The following SMAD2 variants were observed in gnomAD, a reference collection of about 807,000 sequenced individuals.
SMAD2 encodes SMAD family member 2, also known as MAD homolog 2.
A neutral mutation model predicts 64.4 loss-of-function variants in SMAD2; 8 were observed. That is an observed-to-expected ratio of 0.12 (90% CI 0.07 to 0.22). The LOEUF is 0.22. SMAD2 is among the 10% of genes least tolerant of loss of function. The probability of loss-of-function intolerance (pLI) is 1.00; values close to 1 mark genes in which losing one functional copy is unlikely to be tolerated. For synonymous variants in SMAD2, 203 were observed against 195.8 expected (o/e 1.04, Z -0.31); for missense variants, 289 against 561.2 (o/e 0.51, Z 4.90).
chr18:47,903,966 A>T (rs1416001137), intron 1 of SMAD2, among the ~76,000 whole-genome samples: 1 of 151,920 alleles, frequency 6.6e-6, no homozygotes, highest in Non-Finnish European at 1.5e-5. Context: ...ATGGGGAACA[A>T]AAAAATGTAT....
At chr18:47,901,513 TTCTTG>T (rs1330276328) in intron 1 of SMAD2, among the ~76,000 whole-genome samples, 1 of 152,190 alleles carries the variant, frequency 6.6e-6, no homozygotes, top group South Asian at 2.1e-4. Flanking sequence ...TATATTTTCT[TTCTTG>T]TCTTCTTCTG....
chr18:47,900,964 T>TA (rs2033659736), intron 1 of SMAD2, among the ~76,000 whole-genome samples: 1 of 152,176 alleles, frequency 6.6e-6, no homozygotes, highest in Non-Finnish European at 1.5e-5. Flanking sequence ...TTGCTGAGGC[T>TA]TTGTTCATGG....
At chr18:47,909,810 T>C (rs575491588) in intron 1 of SMAD2, among the ~76,000 whole-genome samples, 2 of 152,300 alleles carry the variant, frequency 1.3e-5, no homozygotes, top group African/African-American at 4.8e-5. Flanking sequence ...CATTGGACAA[T>C]GTCGCTGGTA....
chr18:47,869,836 C>T (rs1453553381), intron 3 of SMAD2, among the ~76,000 whole-genome samples: 1 of 152,092 alleles, frequency 6.6e-6, no homozygotes, highest in African/African-American at 2.4e-5. Flanking sequence ...AGAAAAGGAA[C>T]TAGTGTGAAG....
intron 1 of SMAD2, among the ~76,000 whole-genome samples, chr18:47,913,152 C>T (rs960263282): frequency 6.6e-6 from 1 of 152,150 alleles, no homozygotes. Flanking sequence ...AACTCCTGAC[C>T]TCAGATGATC....
At position 47,871,581 on chromosome 18, in the gene SMAD2, G is replaced by C. The variant is rs569078353; in HGVS notation, c.237-1017C>G. ...AGGCTGCAGGAACACATCATGCCCT[G>C]CTTTGGGGGCTACAGTGACCCGACA... On this transcript the variant is annotated intron_variant, in intron 2 of 10. Coordinates refer to ENST00000262160, the MANE Select transcript of SMAD2 (RefSeq NM_005901.6). 4.5e-4 allele frequency among the ~76,000 whole-genome samples: 69 copies of C among 152,246 alleles called. 1 individual carries two copies. Among genetic ancestry groups the C allele is most frequent in the South Asian group, 2.7e-3 (13 of 4,820 alleles).
intron 1 of SMAD2, among the ~76,000 whole-genome samples, chr18:47,917,414 T>G (rs61513611): frequency 0.017 from 2,620 of 152,090 alleles, 65 homozygotes; most frequent in African/African-American, 0.059. Context: ...TTTTTTAAAT[T>G]TTTGTTCTCC....
intron 3 of SMAD2, 38 bp from the exon 4 acceptor site, chr18:47,869,474 TAAAAAAA>T: frequency 1.9e-6 from 2 of 1,066,630 alleles, no homozygotes; most frequent in South Asian, 1.5e-5. Flanking sequence ...GAGGGAACTT[TAAAAAAA>T]AAAAAAAAAA....
In SMAD2 at chr18:47,930,598, G is replaced by A. The variant is rs1380762092; in HGVS notation, c.-291C>T. The A allele has an allele frequency of 6.7e-5, 10 of 149,764 alleles. No homozygotes were observed. Among genetic ancestry groups the A allele is most frequent in the Admixed American group, 6.0e-4 (9 of 15,124 alleles). 9.3% of individuals were successfully genotyped at this position (149,764 alleles called of 1,614,324 possible). ...GAGAGGGGAGGGGAGGGGAGGAGAGGGAAGGGGAGGGGAGGGAGCCTGGCC... is the reference window on the plus strand; with the variant it reads ...GAGAGGGGAGGGGAGGGGAGGAGAGAGAAGGGGAGGGGAGGGAGCCTGGCC... On this transcript the variant is annotated 5_prime_UTR_variant, in exon 1 of 11. Coordinates refer to ENST00000262160, the MANE Select transcript of SMAD2 (RefSeq NM_005901.6).
rs995924146 is a variant in SMAD2, at chr18:47,812,234, T to C, written c.*29593A>G. On this transcript the variant is annotated 3_prime_UTR_variant, in exon 11 of 11. Coordinates refer to ENST00000262160, the MANE Select transcript of SMAD2 (RefSeq NM_005901.6). ...AGTGAATAAGTCTCACGAGATCTGA[T>C]GGTTTTATAAAGGGGAGTTCCCCTA... 11 of 152,176 alleles carry C rather than the reference T, an allele frequency of 7.2e-5. No individual in the cohort carries two copies. The highest frequency in any genetic ancestry group is 1.3e-4 in the Non-Finnish European group (9 of 68,042). 9.4% of individuals were successfully genotyped at this position (152,176 alleles called of 1,614,324 possible). A position where few individuals can be genotyped will look rare whatever the true frequency, so the allele number is the denominator to read the frequency against.
chr18:47,919,933 G>C (rs2034497439), intron 1 of SMAD2: 2 of 152,188 alleles, frequency 1.3e-5, no homozygotes, highest in Admixed American at 1.3e-4. Flanking sequence ...AACAGAAACA[G>C]GATGCAAACC....
intron 10 of SMAD2, among the ~76,000 whole-genome samples, chr18:47,843,011 T>G (rs1272920526): frequency 6.6e-6 from 1 of 152,218 alleles, no homozygotes; most frequent in African/African-American, 2.4e-5. Flanking sequence ...AAGCAACACA[T>G]GTTCAATGTA....
At position 47,850,210 on chromosome 18, in the gene SMAD2, TTA is replaced by T. The variant is rs544221140; in HGVS notation, c.784+1062_784+1063del. 3.1e-3 allele frequency among the ~76,000 whole-genome samples: 255 copies of T among 82,424 alleles called. 1 individual carries two copies. The highest frequency in any genetic ancestry group is 0.027 in the East Asian group (69 of 2,556). The allele number at this position is 82,424 out of a possible 152,430, so 54.1% of individuals were successfully genotyped here. On this transcript the variant is annotated intron_variant, in intron 7 of 10. Coordinates refer to ENST00000262160, the MANE Select transcript of SMAD2 (RefSeq NM_005901.6). ...TATTATATATAGTATATATATATTATTATATATATGTATAATATATATTATAT... is the reference window on the plus strand; with the variant it reads ...TATTATATATAGTATATATATATTATTATATATGTATAATATATATTATAT...
intron 2 of SMAD2, among the ~76,000 whole-genome samples, chr18:47,892,219 G>A (rs1475585158): frequency 1.1e-5 from 1 of 89,376 alleles, no homozygotes; most frequent in Admixed American, 1.0e-4. Flanking sequence ...TTTTTTTTTT[G>A]AGACGGAATT....
In SMAD2 at chr18:47,836,101, T is replaced by G. The variant is rs1395487221; in HGVS notation, c.*5726A>C. ...TAATATACTCCAGCGAGATCACCTG[T>G]GGGTCAAGGATGGCCCAGAGAATCT... On this transcript the variant is annotated 3_prime_UTR_variant, in exon 11 of 11. Transcript: ENST00000262160. 4.6e-6 allele frequency: 1 copy of G among 216,776 alleles called. No individual in the cohort carries two copies. Among genetic ancestry groups the G allele is most frequent in the Non-Finnish European group, 9.3e-6 (1 of 107,824 alleles). 13.4% of individuals were successfully genotyped at this position (216,776 alleles called of 1,614,324 possible). A position where few individuals can be genotyped will look rare whatever the true frequency, so the allele number is the denominator to read the frequency against.
intron 2 of SMAD2, chr18:47,878,428 C>G (rs2032391350): frequency 6.6e-6 from 1 of 152,048 alleles, no homozygotes; most frequent in Non-Finnish European, 1.5e-5. Flanking sequence ...AAGAATCAAG[C>G]AAACAGCCTG....
intron 6 of SMAD2, among the ~76,000 whole-genome samples, chr18:47,851,619 CTA>C (rs1432118634): frequency 6.6e-6 from 1 of 152,102 alleles, no homozygotes; most frequent in Admixed American, 6.5e-5. Flanking sequence ...CCAAAATACT[CTA>C]TGAACCACAT....
Position 47,839,216 on chromosome 18 carries a change from G to C in SMAD2, c.*2611C>G, listed in dbSNP as rs1913716344. 1 of 233,196 alleles carries C rather than the reference G, an allele frequency of 4.3e-6. No individual in the cohort carries two copies. Among genetic ancestry groups the C allele is most frequent in the South Asian group, 1.8e-4 (1 of 5,524 alleles). 14.4% of individuals were successfully genotyped at this position (233,196 alleles called of 1,614,324 possible). On this transcript the variant is annotated 3_prime_UTR_variant, in exon 11 of 11. Coordinates refer to ENST00000262160, the MANE Select transcript of SMAD2 (RefSeq NM_005901.6). ...ACAGAAAAATCGCATCAGAACTGTA[G>C]AGATGCGCTCCACTACTGAAACAGC...
At chr18:47,910,167 TA>T (rs1438648655) in intron 1 of SMAD2, among the ~76,000 whole-genome samples, 1 of 108,968 alleles carries the variant, frequency 9.2e-6, no homozygotes, top group Non-Finnish European at 1.9e-5. Flanking sequence ...AGATTGTGGA[TA>T]TGGAAAAAAA....
Sources: allele counts gnomAD v4.1 joint callset (sites outside exome capture counted in the v4.1 genomes callset), GRCh38; gene constraint gnomAD v4.1.1; transcripts MANE v1.5; gene names NCBI Gene and HGNC (gene_info 2026-07-23, HGNC 2026-07-21).